PLLP: variants seen among roughly 807,000 people sequenced by gnomAD.
PLLP encodes plasmolipin.
PLLP carries 15 observed loss-of-function variants against 19.7 expected under a neutral mutation model. The observed-to-expected ratio is 0.76, with a 90% confidence interval of 0.51 to 1.17. PLLP has a LOEUF of 1.17. Ranked by LOEUF, PLLP falls within the 50% of genes most tolerant of loss-of-function variation. The probability of loss-of-function intolerance (pLI) is 0.00; values close to 1 mark genes in which losing one functional copy is unlikely to be tolerated. For synonymous variants in PLLP, 111 were observed against 116.3 expected, an observed-to-expected ratio of 0.95 and a Z score of 0.29; for missense variants, 255 against 258.3, an observed-to-expected ratio of 0.99 and a Z score of 0.09.
intron 1 of PLLP, among the ~76,000 whole-genome samples, 177 bp downstream of exon 1, chr16:57,284,228 TC>T (rs1266716166): frequency 6.6e-6 from 1 of 152,034 alleles, no homozygotes; most frequent in Non-Finnish European, 1.5e-5. Context: ...TGCAGGGCGA[TC>T]TTGGGGGCGT....
chr16:57,257,790 G>C (rs113288939), intron 3 of PLLP, among the ~76,000 whole-genome samples: 1 of 152,212 alleles, frequency 6.6e-6, no homozygotes, highest in Non-Finnish European at 1.5e-5. Flanking sequence ...GTTTTTGCAC[G>C]TGCACTTGTC....
chr16:57,281,517 C>CTTTTTTTTTTTT (rs771314004), intron 1 of PLLP, among the ~76,000 whole-genome samples: 40,458 of 126,460 alleles, frequency 0.32, 7,319 homozygotes, highest in South Asian at 0.59. Context: ...TTTTTTATTT[C>CTTTTTTTTTTTT]TTTTTTTTTT....
intron 2 of PLLP, among the ~76,000 whole-genome samples, chr16:57,260,741 T>C (rs2075439485): frequency 1.3e-5 from 2 of 151,552 alleles, no homozygotes; most frequent in Non-Finnish European, 1.5e-5. Flanking sequence ...GTACTTCCCA[T>C]GTCCGCTCTC....
At chr16:57,259,564 T>C (rs2075435935) in intron 2 of PLLP, among the ~76,000 whole-genome samples, 1 of 152,226 alleles carries the variant, frequency 6.6e-6, no homozygotes, top group Non-Finnish European at 1.5e-5. Flanking sequence ...TTCACCGTCT[T>C]CAAACGCCTG....
chr16:57,259,697 G>A (rs79870378), intron 2 of PLLP, among the ~76,000 whole-genome samples: 8,775 of 152,176 alleles, frequency 0.058, 347 homozygotes, highest in Non-Finnish European at 0.084. Flanking sequence ...AATCTTGGCC[G>A]GGTGCAGTGT....
At chr16:57,282,489 C>CGGAG (rs1412145607) in intron 1 of PLLP, among the ~76,000 whole-genome samples, 4 of 151,846 alleles carry the variant, frequency 2.6e-5, no homozygotes, top group African/African-American at 9.7e-5. Context: ...CACAAGCAAT[C>CGGAG]CTCCTGTCCA....
chr16:57,273,054 C>A (rs566540976), intron 1 of PLLP, among the ~76,000 whole-genome samples: 1 of 151,670 alleles, frequency 6.6e-6, no homozygotes, highest in African/African-American at 2.4e-5. Flanking sequence ...GTCAGGAGAT[C>A]GAGACCATCC....
At chr16:57,271,462 G>A (rs2075475072) in intron 1 of PLLP, among the ~76,000 whole-genome samples, 1 of 151,978 alleles carries the variant, frequency 6.6e-6, no homozygotes, top group African/African-American at 2.4e-5. Flanking sequence ...TGGCCAACAT[G>A]GTGAAACCCC....
intron 3 of PLLP, among the ~76,000 whole-genome samples, chr16:57,257,776 A>G (rs2075430382): frequency 1.3e-5 from 2 of 152,258 alleles, no homozygotes; most frequent in Admixed American, 1.3e-4. Flanking sequence ...GTTTAAACCA[A>G]AAGGTTTTTG....
chr16:57,257,400 C>T (rs1370294332), intron 3 of PLLP, among the ~76,000 whole-genome samples: 2 of 152,240 alleles, frequency 1.3e-5, no homozygotes, highest in African/African-American at 4.8e-5. Context: ...ACACCTGCAG[C>T]CACATTCAGA....
At chr16:57,264,649 C>T (rs1371679759) in intron 1 of PLLP, among the ~76,000 whole-genome samples, 9 of 152,100 alleles carry the variant, frequency 5.9e-5, no homozygotes, top group African/African-American at 2.2e-4. Context: ...GTTCAAGACC[C>T]CATCCTGGGC....
At chr16:57,259,175 G>C (rs1255890992) in intron 2 of PLLP, among the ~76,000 whole-genome samples, 2 of 152,144 alleles carry the variant, frequency 1.3e-5, no homozygotes, top group African/African-American at 4.8e-5. Flanking sequence ...TCAGTGATGG[G>C]GTAGTGGCAG....
In PLLP at chr16:57,284,547, TC is replaced by T. The variant is rs765418759; in HGVS notation, c.-8del. On this transcript the variant is annotated 5_prime_UTR_variant, in exon 1 of 4. Coordinates refer to ENST00000219207, the MANE Select transcript of PLLP (RefSeq NM_015993.3). Reference sequence around the variant, plus strand: ...TCGACGGGAACTCGGCCATGGCGGCTCCGCTTGCCTCCCGAGGTCGCTACGG... The same window carrying T: ...TCGACGGGAACTCGGCCATGGCGGCTCGCTTGCCTCCCGAGGTCGCTACGG... 2 of 1,345,642 alleles carry T rather than the reference TC, an allele frequency of 1.5e-6. No homozygotes were observed. The highest frequency in any genetic ancestry group is 4.2e-5 in the South Asian group (2 of 47,154). The allele number at this position is 1,345,642 out of a possible 1,614,324, so 83.4% of individuals were successfully genotyped here.
At chr16:57,271,026 C>T (rs917405211) in intron 1 of PLLP, among the ~76,000 whole-genome samples, 3 of 152,196 alleles carry the variant, frequency 2.0e-5, no homozygotes, top group Non-Finnish European at 4.4e-5. Context: ...CCCCACCTCC[C>T]GCGTGGACCC....
At chr16:57,261,462 C>A (rs1264336756) in intron 2 of PLLP, among the ~76,000 whole-genome samples, 1 of 152,086 alleles carries the variant, frequency 6.6e-6, no homozygotes, top group African/African-American at 2.4e-5. Context: ...CACTCCTGTA[C>A]TCCCAGAATT....
Position 57,281,517 on chromosome 16 carries a change from C to CTTTTTTTTTTTTTTTT in PLLP, c.135+2888_135+2889insAAAAAAAAAAAAAAAA, listed in dbSNP as rs771314004. Among the ~76,000 whole-genome samples, 47 of 130,146 alleles carry CTTTTTTTTTTTTTTTT rather than the reference C, an allele frequency of 3.6e-4. 2 individuals are homozygous for CTTTTTTTTTTTTTTTT. The highest frequency in any genetic ancestry group is 7.4e-4 in the African/African-American group (24 of 32,314). The allele number at this position is 130,146 out of a possible 152,430, so 85.4% of individuals were successfully genotyped here. ...CAACAAGCAGATTTTTTTTTTATTTCTTTTTTTTTTTGAGACGGAGTCTCT... is the reference window on the plus strand; with the variant it reads ...CAACAAGCAGATTTTTTTTTTATTTCTTTTTTTTTTTTTTTTTTTTTTTTTTTGAGACGGAGTCTCT... On this transcript the variant is annotated intron_variant, in intron 1 of 3. Coordinates refer to ENST00000219207, the MANE Select transcript of PLLP (RefSeq NM_015993.3).
chr16:57,268,048 CAGAGGCAGAGACG>C (rs1163518669), intron 1 of PLLP, among the ~76,000 whole-genome samples: 1 of 151,990 alleles, frequency 6.6e-6, no homozygotes, highest in Non-Finnish European at 1.5e-5. Context: ...CGTGTGAAGA[CAGAGGCAGAGACG>C]AGAGTGATGC....
intron 1 of PLLP, among the ~76,000 whole-genome samples, chr16:57,282,228 C>CT (rs5817092): frequency 1.0e-3 from 146 of 146,646 alleles, no homozygotes; most frequent in Admixed American, 2.2e-3. Flanking sequence ...TTTTTCTTTT[C>CT]TTTTTTTTTT....
rs1567528000 is a variant in PLLP at position 57,256,385 on chromosome 16, G to C, written c.*528C>G. 4.0e-6 allele frequency: 1 copy of C among 250,582 alleles called. No individual in the cohort carries two copies. The highest frequency in any genetic ancestry group is 7.5e-6 in the Non-Finnish European group (1 of 133,380). The allele number at this position is 250,582 out of a possible 1,614,324, so 15.5% of individuals were successfully genotyped here. ...AAATGCAGGGAGGGAAGACCATGCTGTCAGCAATCAACCCACTTTTTACAG... is the reference window on the plus strand; with the variant it reads ...AAATGCAGGGAGGGAAGACCATGCTCTCAGCAATCAACCCACTTTTTACAG... On this transcript the variant is annotated 3_prime_UTR_variant, in exon 4 of 4. Coordinates refer to ENST00000219207, the MANE Select transcript of PLLP (RefSeq NM_015993.3).
Sources: gnomAD v4.1 joint callset for allele counts (sites outside exome capture counted in the v4.1 genomes callset) on GRCh38, gnomAD v4.1.1 for gene constraint, MANE v1.5 for transcripts, NCBI Gene and HGNC (gene_info 2026-07-23, HGNC 2026-07-21) for gene names.